The following TLN2 variants were observed in gnomAD, a reference collection of about 807,000 sequenced individuals.
TLN2 encodes talin-2.
Under a neutral mutation model 294.7 loss-of-function variants are expected in TLN2, and 118 were observed. The observed-to-expected ratio is 0.40, with a 90% confidence interval of 0.34 to 0.47. TLN2 has a LOEUF of 0.47. Ranked by LOEUF, TLN2 falls within the 20% of genes least tolerant of loss-of-function variation. The pLI is 0.84. For missense variants in TLN2, 3,083 were observed against 3,282.2 expected, an observed-to-expected ratio of 0.94 and a Z score of 1.48; for synonymous variants, 1,431 against 1,304.5, an observed-to-expected ratio of 1.10 and a Z score of -2.09.
At position 62,755,514 on chromosome 15, in the gene TLN2, T is replaced by C. The variant is rs75827446; in HGVS notation, c.4477-18T>C. ...ACTGTAGCATGGGGTACCCCCAACC[T>C]AGCTCCATGCTTTGTAGGTCCTGTC... On this transcript the variant is annotated intron_variant, in intron 36 of 58. Transcript: ENST00000636159. 0.014 allele frequency: 22,876 copies of C among 1,613,252 alleles called. 610 individuals are homozygous for C. The highest frequency in any genetic ancestry group is 0.12 in the African/African-American group (8,695 of 75,022).
intron 1 of TLN2, among the ~76,000 whole-genome samples, chr15:62,519,657 G>C (rs1056316705): frequency 5.3e-5 from 8 of 152,224 alleles, no homozygotes; most frequent in African/African-American, 7.2e-5. Flanking sequence ...AGTGGGTCTT[G>C]TCAGTGGTGT....
At chr15:62,782,183 G>A (rs2064233586) in intron 44 of TLN2, among the ~76,000 whole-genome samples, 1 of 152,204 alleles carries the variant, frequency 6.6e-6, no homozygotes, top group South Asian at 2.1e-4. Flanking sequence ...GTAATCATGT[G>A]TCCACTAGGG....
intron 1 of TLN2, among the ~76,000 whole-genome samples, chr15:62,438,503 TCTC>T (rs2035400447): frequency 6.6e-6 from 1 of 152,194 alleles, no homozygotes; most frequent in Admixed American, 6.5e-5. Flanking sequence ...GAGTTGGTGA[TCTC>T]CTTACCTCTG....
chr15:62,548,071 A>G (rs1038519437), intron 1 of TLN2, among the ~76,000 whole-genome samples: 3 of 152,216 alleles, frequency 2.0e-5, no homozygotes, highest in African/African-American at 7.2e-5. Flanking sequence ...GCTTGTGGAA[A>G]GATACTTAAA....
intron 1 of TLN2, among the ~76,000 whole-genome samples, chr15:62,443,546 G>C (rs1327309637): frequency 6.6e-6 from 1 of 152,134 alleles, no homozygotes; most frequent in Non-Finnish European, 1.5e-5. Flanking sequence ...CTCAAAGGAG[G>C]CCCAATCAAC....
intron 2 of TLN2, among the ~76,000 whole-genome samples, chr15:62,611,364 A>G (rs1369253440): frequency 1.3e-5 from 2 of 152,178 alleles, no homozygotes; most frequent in Non-Finnish European, 2.9e-5. Flanking sequence ...GGGTGTTGTA[A>G]GAGTGTCAGG....
intron 1 of TLN2, among the ~76,000 whole-genome samples, chr15:62,478,202 G>T (rs539539214): frequency 6.6e-6 from 1 of 152,238 alleles, no homozygotes; most frequent in South Asian, 2.1e-4. Flanking sequence ...GTCACACAGC[G>T]AGAGTGTGCA....
chr15:62,792,608 T>A, intron 45 of TLN2, 33 bp from the exon 46 acceptor site: 1 of 1,607,210 alleles, frequency 6.2e-7, no homozygotes, highest in Non-Finnish European at 8.5e-7. Context: ...TCCATCACGC[T>A]TCTCCTTCCC....
At chr15:62,570,768 T>C (rs1456860509) in intron 1 of TLN2, among the ~76,000 whole-genome samples, 1 of 152,196 alleles carries the variant, frequency 6.6e-6, no homozygotes, top group Non-Finnish European at 1.5e-5. Flanking sequence ...TACCAAAAAT[T>C]TCCCCAGACA....
chr15:62,423,448 A>G (rs1193098663), intron 1 of TLN2, among the ~76,000 whole-genome samples: 1 of 152,220 alleles, frequency 6.6e-6, no homozygotes, highest in Non-Finnish European at 1.5e-5. Flanking sequence ...CCATGTTACC[A>G]GCACCTATCC....
intron 9 of TLN2, among the ~76,000 whole-genome samples, chr15:62,667,052 G>A (rs1037612459): frequency 1.4e-4 from 22 of 152,168 alleles, no homozygotes; most frequent in East Asian, 1.9e-4. Context: ...TGCAAGCTCC[G>A]CCTCCCGGAT....
intron 25 of TLN2, among the ~76,000 whole-genome samples, chr15:62,720,942 G>C (rs911931541): frequency 3.3e-5 from 5 of 152,112 alleles, no homozygotes; most frequent in African/African-American, 4.8e-5. Context: ...GGACTTTGCA[G>C]ATTATGACTT....
chr15:62,495,270 A>G (rs17205799), intron 1 of TLN2, among the ~76,000 whole-genome samples: 4,856 of 152,338 alleles, frequency 0.032, 107 homozygotes, highest in Middle Eastern at 0.068. Flanking sequence ...TACATGTGGT[A>G]GGAATTGTAA....
intron 19 of TLN2, among the ~76,000 whole-genome samples, chr15:62,705,497 A>G (rs938558986): frequency 7.2e-5 from 11 of 152,110 alleles, no homozygotes; most frequent in African/African-American, 2.4e-4. Context: ...TTCTGACTGT[A>G]TTTTTTTGGA....
At chr15:62,776,595 A>C (rs533065065) in intron 42 of TLN2, among the ~76,000 whole-genome samples, 169 bp from the exon 43 acceptor site, 1 of 152,014 alleles carries the variant, frequency 6.6e-6, no homozygotes, top group African/African-American at 2.4e-5. Flanking sequence ...TCTGATTTTT[A>C]TTTACTTTGC....
At chr15:62,702,699 T>C in intron 18 of TLN2, 67 bp from the exon 19 acceptor site, 4 of 1,483,438 alleles carry the variant, frequency 2.7e-6, no homozygotes, top group Non-Finnish European at 3.8e-6. Context: ...CTTCCTGTAC[T>C]TCCATGTCTG....
intron 1 of TLN2, among the ~76,000 whole-genome samples, chr15:62,548,240 C>T (rs572550317): frequency 6.6e-6 from 1 of 152,146 alleles, no homozygotes; most frequent in Non-Finnish European, 1.5e-5. Flanking sequence ...ACATTTCAGG[C>T]AGGGGAATGA....
intron 18 of TLN2, 125 bp from the exon 19 acceptor site, chr15:62,702,641 C>A: frequency 1.1e-6 from 1 of 885,156 alleles, no homozygotes. Flanking sequence ...GGCAGACCAC[C>A]TGAGATTCTC....
intron 1 of TLN2, among the ~76,000 whole-genome samples, chr15:62,466,455 G>T (rs2037141065): frequency 6.6e-6 from 1 of 152,210 alleles, no homozygotes; most frequent in African/African-American, 2.4e-5. Flanking sequence ...CTACCCAGTA[G>T]GTGCCACTAG....
Sources: allele counts gnomAD v4.1 joint callset (sites outside exome capture counted in the v4.1 genomes callset), GRCh38; gene constraint gnomAD v4.1.1; transcripts MANE v1.5; gene names NCBI Gene and HGNC (gene_info 2026-07-23, HGNC 2026-07-21).